Variants in TRIO observed in about 807,000 individuals in gnomAD.
TRIO encodes the protein triple functional domain protein.
TRIO carries 58 observed loss-of-function variants against 351.9 expected under a neutral mutation model. The ratio of observed to expected loss-of-function variants is 0.16; its 90% CI spans 0.13 to 0.21. The LOEUF is 0.21. Ranked by LOEUF, TRIO falls within the 10% of genes least tolerant of loss-of-function variation. The pLI, the probability that TRIO is intolerant of heterozygous loss-of-function variation, is 1.00. For synonymous variants in TRIO, 1,758 were observed against 1,595.7 expected (o/e 1.10, Z -2.42); for missense variants, 3,201 against 4,027.8 (o/e 0.79, Z 5.56).
intron 3 of TRIO, among the ~76,000 whole-genome samples, chr5:14,283,924 C>T (rs1376183032): frequency 6.6e-6 from 1 of 152,064 alleles, no homozygotes; most frequent in Middle Eastern, 3.2e-3. Context: ...CTTAGAATGT[C>T]TCTCGGTGGC....
intron 1 of TRIO, among the ~76,000 whole-genome samples, chr5:14,156,820 T>C (rs1460057721): frequency 6.6e-6 from 1 of 152,216 alleles, no homozygotes; most frequent in Non-Finnish European, 1.5e-5. Flanking sequence ...GATGAAGTAA[T>C]GCTCTGCAGT....
intron 48 of TRIO, among the ~76,000 whole-genome samples, chr5:14,490,570 C>G (rs116068526): frequency 0.043 from 6,583 of 152,342 alleles, 497 homozygotes; most frequent in African/African-American, 0.15. Context: ...TGCATGCACA[C>G]TGGAGTCACT....
chr5:14,336,754 A>T, intron 11 of TRIO, 27 bp downstream of exon 11: 1 of 1,612,454 alleles, frequency 6.2e-7, no homozygotes, highest in Non-Finnish European at 8.5e-7. Context: ...CCAAAATATG[A>T]TCTGTGCTTG....
At chr5:14,452,636 TCTC>T (rs151089852) in intron 34 of TRIO, among the ~76,000 whole-genome samples, 3,209 of 152,240 alleles carry the variant, frequency 0.021, 121 homozygotes, top group African/African-American at 0.074. Context: ...AAAAGCCACT[TCTC>T]CTGGTGCTTC....
chr5:14,290,712 T>A lies in TRIO; in HGVS notation c.541-4T>A, dbSNP rs185677275. The A allele has an allele frequency of 6.3e-7, 1 of 1,584,084 alleles. No individual in the cohort carries two copies. The highest frequency in any genetic ancestry group is 1.8e-5 in the Admixed American group (1 of 54,684). On this transcript the variant is annotated splice_polypyrimidine_tract_variant and splice_region_variant and intron_variant, in intron 4 of 56. Coordinates refer to ENST00000344204, the MANE Select transcript of TRIO (RefSeq NM_007118.4). ...TTCTCATACGTGATTTTTTTTCCCTTAAGACAAATATGGTCTCTTTAGAAG... is the reference window on the plus strand; with the variant it reads ...TTCTCATACGTGATTTTTTTTCCCTAAAGACAAATATGGTCTCTTTAGAAG...
chr5:14,206,873 A>G (rs2152183719), intron 1 of TRIO, among the ~76,000 whole-genome samples: 1 of 152,338 alleles, frequency 6.6e-6, no homozygotes, highest in South Asian at 2.1e-4. Flanking sequence ...CTGTAACTCC[A>G]TATAAGCATA....
intron 16 of TRIO, among the ~76,000 whole-genome samples, chr5:14,367,898 A>G (rs899132476): frequency 6.6e-6 from 1 of 152,216 alleles, no homozygotes; most frequent in Non-Finnish European, 1.5e-5. Flanking sequence ...AATTGCAGGT[A>G]ATAAATCACT....
intron 9 of TRIO, among the ~76,000 whole-genome samples, chr5:14,323,304 G>T (rs758546626): frequency 1.3e-5 from 2 of 152,198 alleles, no homozygotes; most frequent in African/African-American, 4.8e-5. Context: ...TGGAAAAGTC[G>T]AATGGCTTGG....
rs1787324124 is a variant in TRIO at position 14,143,845 on chromosome 5, C to T, written c.120C>T (p.Ala40=). 9.3e-7 allele frequency: 1 copy of T among 1,073,188 alleles called. No individual in the cohort carries two copies. Among genetic ancestry groups the T allele is most frequent in the African/African-American group, 1.7e-5 (1 of 58,954 alleles). The allele number at this position is 1,073,188 out of a possible 1,614,324, so 66.5% of individuals were successfully genotyped here. The change falls in exon 1 of 57, where the codon GCC becomes GCT. Residue 40 remains alanine (A), a synonymous_variant. Coordinates refer to ENST00000344204, the MANE Select transcript of TRIO (RefSeq NM_007118.4). ...CCGGCGAGGGGGCAGAGGAGGCGGC[C>T]AAGGACCTGGCCGACATCGCGGCCT... The part of the protein sequence containing the change: ...GGAGEGAEEA[A]KDLADIAAFF...
At chr5:14,207,290 C>CACAGAGAGAG (rs1345660099) in intron 1 of TRIO, among the ~76,000 whole-genome samples, 1 of 42,082 alleles carries the variant, frequency 2.4e-5, no homozygotes, top group Non-Finnish European at 5.0e-5. Flanking sequence ...CACACACACA[C>CACAGAGAGAG]AGCCAGGTAG....
At chr5:14,381,898 A>G (rs1579488250) in intron 21 of TRIO, among the ~76,000 whole-genome samples, 1 of 152,356 alleles carries the variant, frequency 6.6e-6, no homozygotes, top group African/African-American at 2.4e-5. Context: ...GAGGAAAAAT[A>G]TAAGAATCTG....
At chr5:14,243,050 A>G (rs1794224623) in intron 1 of TRIO, among the ~76,000 whole-genome samples, 2 of 152,342 alleles carry the variant, frequency 1.3e-5, no homozygotes, top group Admixed American at 6.5e-5. Context: ...CAAAGACAGC[A>G]GGGCTTGGTT....
intron 2 of TRIO, among the ~76,000 whole-genome samples, chr5:14,279,063 T>C (rs141535838): frequency 0.015 from 2,246 of 152,342 alleles, 67 homozygotes; most frequent in African/African-American, 0.052. Context: ...AGAAAGTGTA[T>C]GTAGAGCACG....
intron 7 of TRIO, among the ~76,000 whole-genome samples, chr5:14,302,560 C>T (rs529977143): frequency 5.3e-4 from 80 of 152,316 alleles, no homozygotes; most frequent in Middle Eastern, 3.4e-3. Flanking sequence ...TCAGTTGACA[C>T]TTAATGCCGT....
intron 11 of TRIO, 33 bp downstream of exon 11, chr5:14,336,760 G>T (rs767771227): frequency 6.2e-7 from 1 of 1,609,340 alleles, no homozygotes; most frequent in Non-Finnish European, 8.5e-7. Flanking sequence ...TATGATCTGT[G>T]CTTGAAAGGG....
chr5:14,354,429 C>T (rs1018341162), intron 11 of TRIO, among the ~76,000 whole-genome samples: 1 of 152,236 alleles, frequency 6.6e-6, no homozygotes, highest in African/African-American at 2.4e-5. Context: ...TGGCTCCTGC[C>T]AGCAGGGGAC....
At chr5:14,487,288 C>G (rs981496280) in intron 47 of TRIO, among the ~76,000 whole-genome samples, 176 bp from the exon 48 acceptor site, 1 of 152,076 alleles carries the variant, frequency 6.6e-6, no homozygotes, top group African/African-American at 2.4e-5. Context: ...CAGCCGGCAT[C>G]CCAATACCTT....
intron 1 of TRIO, among the ~76,000 whole-genome samples, chr5:14,186,374 CT>C (rs1370631129): frequency 2.6e-5 from 4 of 152,150 alleles, no homozygotes; most frequent in African/African-American, 4.8e-5. Flanking sequence ...AGTTTTTCCA[CT>C]TTGTTCCAGA....
At chr5:14,348,077 C>T (rs1001893325) in intron 11 of TRIO, among the ~76,000 whole-genome samples, 1 of 152,210 alleles carries the variant, frequency 6.6e-6, no homozygotes. Flanking sequence ...GGGAGGCCGT[C>T]GTCTTGCTTT....
Sources: gnomAD v4.1 joint callset for allele counts (sites outside exome capture counted in the v4.1 genomes callset) on GRCh38, gnomAD v4.1.1 for gene constraint, MANE v1.5 for transcripts, NCBI Gene and HGNC (gene_info 2026-07-23, HGNC 2026-07-21) for gene names.